Variants in WHAMM observed in about 807,000 individuals in gnomAD.
WHAMM encodes the protein WASP homolog-associated protein with actin, membranes and microtubules.
In WHAMM, 67 loss-of-function variants were observed where a neutral mutation model predicts 76.5. That is an observed-to-expected ratio of 0.88 (90% CI 0.72 to 1.07). The LOEUF (loss-of-function observed/expected upper bound fraction) is 1.07. Ranked by LOEUF, WHAMM falls within the 50% of genes least tolerant of loss-of-function variation. The pLI is 0.00. For missense variants in WHAMM, 1,021 were observed against 1,051.1 expected (o/e 0.97, Z 0.40); for synonymous variants, 419 against 422.1 (o/e 0.99, Z 0.09).
In WHAMM at chr15:82,810,297, C is replaced by A. The variant is rs1197115176; in HGVS notation, c.571C>A (p.Arg191Ser). ...SPREFRERAL[R>S]ARWVEADARL... ...GCGCGAGTTCCGGGAGCGGGCCTTGCGCGCGCGGTGGGTCGAGGCGGACGC... is the reference window on the plus strand; with the variant it reads ...GCGCGAGTTCCGGGAGCGGGCCTTGAGCGCGCGGTGGGTCGAGGCGGACGC... The change falls in exon 1 of 10, where the codon CGC becomes AGC. Residue 191 changes from arginine to serine, a missense_variant. Arg to Ser is a moderately radical substitution (Grantham distance 110). Transcript: ENST00000286760. The A allele has an allele frequency of 1.5e-6, 2 of 1,344,060 alleles. No individual in the cohort carries two copies. Among genetic ancestry groups the A allele is most frequent in the African/African-American group, 3.1e-5 (2 of 65,192 alleles). 83.3% of individuals were successfully genotyped at this position (1,344,060 alleles called of 1,614,324 possible). A position where few individuals can be genotyped will look rare whatever the true frequency, so the allele number is the denominator to read the frequency against.
chr15:82,813,465 T>C (rs2050664656), intron 2 of WHAMM, among the ~76,000 whole-genome samples, 189 bp downstream of exon 2: 2 of 152,106 alleles, frequency 1.3e-5, no homozygotes, highest in Non-Finnish European at 2.9e-5. Flanking sequence ...ACTCCTGAGC[T>C]CAAGCAGTCT....
At position 82,826,481 on chromosome 15, in the gene WHAMM, T is replaced by C. The variant is rs781734966; in HGVS notation, c.1530T>C (p.His510=). The change falls in exon 7 of 10, where the codon CAT becomes CAC. Residue 510 remains histidine, a synonymous_variant. Coordinates refer to ENST00000286760, the MANE Select transcript of WHAMM (RefSeq NM_001080435.3). ...AEESIRYSRQ[H]HSIQMKRDKI... ...AAAGCATAAGATACTCTCGTCAGCA[T>C]CACAGTATTCAGATGGTGAGTCTCC... 1 of 1,613,906 alleles carries C rather than the reference T, an allele frequency of 6.2e-7. No homozygotes were observed. Among genetic ancestry groups the C allele is most frequent in the Non-Finnish European group, 8.5e-7 (1 of 1,179,786 alleles).
rs1405674109 is a variant in WHAMM, at chr15:82,834,405, A to C, written c.*869A>C. 1 of 152,456 alleles carries C rather than the reference A, an allele frequency of 6.6e-6. No homozygotes were observed. Among genetic ancestry groups the C allele is most frequent in the Admixed American group, 6.5e-5 (1 of 15,282 alleles). 9.4% of individuals were successfully genotyped at this position (152,456 alleles called of 1,614,324 possible). A position where few individuals can be genotyped will look rare whatever the true frequency, so the allele number is the denominator to read the frequency against. ...AGGGACGTAGAGATGAGAGTTTCAC[A>C]CACCAGCCCATAGGTGGGATGTCAA... On this transcript the variant is annotated 3_prime_UTR_variant, in exon 10 of 10. Transcript: ENST00000286760.
chr15:82,826,695 C>T, intron 7 of WHAMM, 56 bp from the exon 8 acceptor site: 1 of 1,530,704 alleles, frequency 6.5e-7, no homozygotes. Flanking sequence ...TATTGTATGC[C>T]AAGACATTTT....
At chr15:82,820,309 T>G (rs2050797689) in intron 5 of WHAMM, among the ~76,000 whole-genome samples, 1 of 152,192 alleles carries the variant, frequency 6.6e-6, no homozygotes, top group South Asian at 2.1e-4. Flanking sequence ...ATCAAAATTT[T>G]AATGGCTGCA....
chr15:82,829,147 T>C (rs2050985499), intron 8 of WHAMM, among the ~76,000 whole-genome samples: 1 of 152,214 alleles, frequency 6.6e-6, no homozygotes, highest in South Asian at 2.1e-4. Flanking sequence ...ATTTAATTTA[T>C]CATGCGTGGA....
At chr15:82,815,155 A>ATATATATATATATATATAT (rs55807384) in intron 2 of WHAMM, among the ~76,000 whole-genome samples, 1 of 46,136 alleles carries the variant, frequency 2.2e-5, no homozygotes, top group Non-Finnish European at 4.0e-5. Flanking sequence ...ATATATATAT[A>ATATATATATATATATATAT]GTACAATTCA....
chr15:82,815,150 TATATAG>T (rs2050704701), intron 2 of WHAMM, among the ~76,000 whole-genome samples: 1 of 33,616 alleles, frequency 3.0e-5, no homozygotes, highest in African/African-American at 1.7e-4. Flanking sequence ...TATATATATA[TATATAG>T]TACAATTCAG....
intron 4 of WHAMM, 68 bp downstream of exon 4, chr15:82,818,157 T>G (rs2050758881): frequency 9.4e-6 from 14 of 1,487,804 alleles, no homozygotes; most frequent in Non-Finnish European, 1.3e-5. Flanking sequence ...TTTGTATAAA[T>G]AAAGGATACA....
At chr15:82,821,321 T>C (rs1373266177) in intron 5 of WHAMM, among the ~76,000 whole-genome samples, 1 of 152,214 alleles carries the variant, frequency 6.6e-6, no homozygotes, top group Non-Finnish European at 1.5e-5. Context: ...TATTCTCCAA[T>C]CCCAAAATTA....
chr15:82,824,512 G>T (rs1346908896), intron 6 of WHAMM, among the ~76,000 whole-genome samples: 1 of 152,142 alleles, frequency 6.6e-6, no homozygotes, highest in Non-Finnish European at 1.5e-5. Flanking sequence ...GTAGAGACGG[G>T]GTTTCACCAT....
chr15:82,833,729 G>A lies in WHAMM; in HGVS notation c.*193G>A, dbSNP rs2051079874. On this transcript the variant is annotated 3_prime_UTR_variant, in exon 10 of 10. Transcript: ENST00000286760. ...TTTTGAGATGGAGTCTCACTCTGTC[G>A]CCCAGGCTGGGGTGCAGTGGCGCCA... 8 of 618,832 alleles carry A rather than the reference G, an allele frequency of 1.3e-5. No individual in the cohort carries two copies. Among genetic ancestry groups the A allele is most frequent in the South Asian group, 8.5e-5 (4 of 46,834 alleles). The allele number at this position is 618,832 out of a possible 1,614,324, so 38.3% of individuals were successfully genotyped here. A position where few individuals can be genotyped will look rare whatever the true frequency, so the allele number is the denominator to read the frequency against.
chr15:82,832,949 T>C (rs1477561073), intron 9 of WHAMM, among the ~76,000 whole-genome samples: 4 of 152,202 alleles, frequency 2.6e-5, no homozygotes, highest in Non-Finnish European at 5.9e-5. Context: ...TGAAAAACCG[T>C]CATTCTAACA....
At chr15:82,815,118 T>TAC (rs2050700522) in intron 2 of WHAMM, among the ~76,000 whole-genome samples, 3 of 17,304 alleles carry the variant, frequency 1.7e-4, no homozygotes, top group Non-Finnish European at 1.9e-4. Flanking sequence ...ATTTTATATA[T>TAC]ATATATATAT....
intron 8 of WHAMM, 86 bp from the exon 9 acceptor site, chr15:82,830,513 G>C: frequency 1.3e-6 from 2 of 1,531,326 alleles, no homozygotes; most frequent in Non-Finnish European, 1.8e-6. Flanking sequence ...CATAGAAACG[G>C]ATGTGTTTAT....
In WHAMM at chr15:82,830,659, C is replaced by T; in HGVS notation, c.1702C>T (p.Pro568Ser). The T allele has an allele frequency of 6.2e-7, 1 of 1,613,952 alleles. No homozygotes were observed. The highest frequency in any genetic ancestry group is 8.5e-7 in the Non-Finnish European group (1 of 1,179,892). The change falls in exon 9 of 10, where the codon CCA becomes TCA. Residue 568 changes from proline (P) to serine (S), a missense_variant. Pro to Ser is a moderately conservative substitution (Grantham distance 74). Coordinates refer to ENST00000286760, the MANE Select transcript of WHAMM (RefSeq NM_001080435.3). ...CTCAGAACCTGTGGCTCCAAACCTG[C>T]CAAGTGATCTTTCCCAGCAGATGTG... ...SGSEPVAPNLPSDLSQQMCLP... is the reference protein window; with the variant it reads ...SGSEPVAPNLSSDLSQQMCLP...
rs566053334 is a variant in WHAMM at position 82,833,632 on chromosome 15, T to G, written c.*96T>G. On this transcript the variant is annotated 3_prime_UTR_variant, in exon 10 of 10. Transcript: ENST00000286760. ...AGCATACTAACAGGGTGCTGATAGA[T>G]GGGCCACATAACACCCCGGAAGATC... The G allele has an allele frequency of 8.9e-6, 12 of 1,349,726 alleles. No homozygotes were observed. The Admixed American group carries it at 2.2e-4, about 24-fold the overall frequency. The allele number at this position is 1,349,726 out of a possible 1,614,324, so 83.6% of individuals were successfully genotyped here.
chr15:82,815,863 T>A (rs1477520632), intron 2 of WHAMM, among the ~76,000 whole-genome samples: 1 of 152,218 alleles, frequency 6.6e-6, no homozygotes, highest in Non-Finnish European at 1.5e-5. Flanking sequence ...GCATATTGGA[T>A]GACATAGCAG....
intron 9 of WHAMM, among the ~76,000 whole-genome samples, chr15:82,832,076 T>G (rs1476131158): frequency 2.0e-5 from 3 of 152,198 alleles, no homozygotes; most frequent in Non-Finnish European, 4.4e-5. Flanking sequence ...GAATGAAAAG[T>G]AAAGAGTTCG....
Sources: allele counts gnomAD v4.1 joint callset (sites outside exome capture counted in the v4.1 genomes callset), GRCh38; gene constraint gnomAD v4.1.1; transcripts MANE v1.5; gene names NCBI Gene and HGNC (gene_info 2026-07-23, HGNC 2026-07-21).